The following SORCS2 variants were observed in gnomAD, a reference collection of about 807,000 sequenced individuals.
SORCS2 encodes VPS10 domain-containing receptor SorCS2.
A neutral mutation model predicts 141.6 loss-of-function variants in SORCS2; 100 were observed. That is an observed-to-expected ratio of 0.71 (90% CI 0.60 to 0.83). SORCS2 has a LOEUF of 0.83. Ranked by LOEUF, SORCS2 falls within the 40% of genes least tolerant of loss-of-function variation. The pLI is 0.00. For missense variants in SORCS2, 1,646 were observed against 1,560.2 expected (o/e 1.05, Z -0.93); for synonymous variants, 789 against 676.9 (o/e 1.17, Z -2.57).
At chr4:7,391,243 G>T (rs889612899) in intron 1 of SORCS2, among the ~76,000 whole-genome samples, 1 of 152,220 alleles carries the variant, frequency 6.6e-6, no homozygotes, top group African/African-American at 2.4e-5. Context: ...AGACGCTGAC[G>T]ACTTTGCTGC....
chr4:7,623,315 T>C (rs918634860), intron 3 of SORCS2, among the ~76,000 whole-genome samples: 25 of 151,986 alleles, frequency 1.6e-4, no homozygotes, highest in Non-Finnish European at 3.2e-4. Flanking sequence ...CAGTAATCAG[T>C]CACACTCAGA....
At chr4:7,496,590 G>C (rs1731644787) in intron 2 of SORCS2, among the ~76,000 whole-genome samples, 1 of 151,698 alleles carries the variant, frequency 6.6e-6, no homozygotes, top group Non-Finnish European at 1.5e-5. Flanking sequence ...GTTTTCAAGG[G>C]ATTAGTTTTC....
At chr4:7,578,021 G>T (rs969934564) in intron 3 of SORCS2, among the ~76,000 whole-genome samples, 1 of 152,158 alleles carries the variant, frequency 6.6e-6, no homozygotes, top group Non-Finnish European at 1.5e-5. Context: ...GTTGAAATTT[G>T]GTGACCAAAG....
At chr4:7,294,543 C>A (rs560335299) in intron 1 of SORCS2, among the ~76,000 whole-genome samples, 22 of 151,270 alleles carry the variant, frequency 1.5e-4, no homozygotes, top group Admixed American at 7.2e-4. Flanking sequence ...CTCCATGCCC[C>A]AGGGGTGCAG....
intron 3 of SORCS2, among the ~76,000 whole-genome samples, chr4:7,570,581 G>C (rs1396848025): frequency 1.3e-5 from 2 of 152,252 alleles, no homozygotes; most frequent in African/African-American, 4.8e-5. Flanking sequence ...CCGCCACCCT[G>C]CATAGAGGGC....
chr4:7,571,448 G>T (rs1360235455), intron 3 of SORCS2, among the ~76,000 whole-genome samples: 1 of 152,194 alleles, frequency 6.6e-6, no homozygotes, highest in Non-Finnish European at 1.5e-5. Context: ...CCCAGTGTTT[G>T]ATGAGAATAG....
In SORCS2 at chr4:7,244,332, C is replaced by T. The variant is rs137956172; in HGVS notation, c.480+51206C>T. Among the ~76,000 whole-genome samples, 795 of 152,342 alleles carry T rather than the reference C, an allele frequency of 5.2e-3. 5 individuals carry two copies. The highest frequency in any genetic ancestry group is 6.2e-3 in the Non-Finnish European group (419 of 68,036). ...TGGTTATTTATCCCCAAAGTCATTC[C>T]GAAGATTCATGGGTAAGGGCTTTCA... On this transcript the variant is annotated intron_variant, in intron 1 of 26. Transcript: ENST00000507866.
chr4:7,480,918 A>G (rs1730590337), intron 2 of SORCS2, among the ~76,000 whole-genome samples: 1 of 152,232 alleles, frequency 6.6e-6, no homozygotes, highest in Admixed American at 6.5e-5. Context: ...TTCTGGAGAA[A>G]CAGGTGATAT....
chr4:7,648,171 C>T lies in SORCS2; in HGVS notation c.814-5963C>T, dbSNP rs960583551. On this transcript the variant is annotated intron_variant, in intron 4 of 26. Transcript: ENST00000507866. This position sits in a 1 kb window ranked among gnomAD's most constrained non-coding sequence, Gnocchi z 4.2. ...TGGTGGATGGTGGGAAGGAGGGAGG[C>T]CATTTACTGAGACCGCAGAGGAGGA... Among the ~76,000 whole-genome samples the T allele has an allele frequency of 6.9e-6, 1 of 144,148 alleles. No homozygotes were observed. Among genetic ancestry groups the T allele is most frequent in the African/African-American group, 2.6e-5 (1 of 39,034 alleles). The allele number at this position is 144,148 out of a possible 152,430, so 94.6% of individuals were successfully genotyped here.
intron 1 of SORCS2, among the ~76,000 whole-genome samples, chr4:7,347,155 C>T (rs1363792557): frequency 6.6e-6 from 1 of 152,140 alleles, no homozygotes; most frequent in East Asian, 1.9e-4. Flanking sequence ...AATGCCTTTG[C>T]CCAAGGGAAG....
intron 1 of SORCS2, among the ~76,000 whole-genome samples, chr4:7,206,277 G>A (rs1727735754): frequency 6.6e-6 from 1 of 152,116 alleles, no homozygotes; most frequent in Admixed American, 6.5e-5. Flanking sequence ...GCTTTGGTCT[G>A]TTTCATTCCC....
intron 23 of SORCS2, among the ~76,000 whole-genome samples, chr4:7,731,927 C>T (rs1021308885): frequency 6.6e-6 from 1 of 152,180 alleles, no homozygotes; most frequent in African/African-American, 2.4e-5. Context: ...AAAGTACATG[C>T]AACAAACGCA....
intron 2 of SORCS2, among the ~76,000 whole-genome samples, chr4:7,525,019 G>A (rs1363596561): frequency 3.9e-5 from 6 of 152,234 alleles, no homozygotes; most frequent in Non-Finnish European, 7.3e-5. Flanking sequence ...TCCTTTTCTC[G>A]GACACAGCGC....
chr4:7,537,208 T>C (rs1367429702), intron 3 of SORCS2, among the ~76,000 whole-genome samples: 1 of 152,212 alleles, frequency 6.6e-6, no homozygotes, highest in Non-Finnish European at 1.5e-5. Flanking sequence ...CCATTTCCTC[T>C]CTGGGCCTCA....
intron 1 of SORCS2, among the ~76,000 whole-genome samples, chr4:7,306,771 G>A (rs928551706): frequency 1.8e-4 from 28 of 152,178 alleles, no homozygotes; most frequent in Admixed American, 6.5e-5. Flanking sequence ...TCGCCTGGAG[G>A]CTGGAGTGTG....
chr4:7,608,914 C>T (rs115605556), intron 3 of SORCS2, among the ~76,000 whole-genome samples: 519 of 152,250 alleles, frequency 3.4e-3, no homozygotes, highest in Non-Finnish European at 5.7e-3. Flanking sequence ...TGTGAACACA[C>T]CAGGGCCAGC....
At chr4:7,401,960 C>T (rs1013565821) in intron 2 of SORCS2, among the ~76,000 whole-genome samples, 9 of 152,198 alleles carry the variant, frequency 5.9e-5, no homozygotes, top group African/African-American at 2.2e-4. Context: ...GACACATGCC[C>T]AGGTACTCAT....
intron 4 of SORCS2, among the ~76,000 whole-genome samples, chr4:7,649,388 C>CT (rs61188646): frequency 0.013 from 1,976 of 151,792 alleles, 47 homozygotes; most frequent in African/African-American, 0.044. Flanking sequence ...AGGGTGTGGG[C>CT]TTTTTTGGAG....
chr4:7,427,332 G>A (rs1726515010), intron 2 of SORCS2, among the ~76,000 whole-genome samples: 1 of 152,140 alleles, frequency 6.6e-6, no homozygotes, highest in Non-Finnish European at 1.5e-5. Context: ...TGTGATCTAA[G>A]CATAGGCCTG....
Sources: gnomAD v4.1 joint callset for allele counts (sites outside exome capture counted in the v4.1 genomes callset) on GRCh38, gnomAD v4.1.1 for gene constraint, Gnocchi (gnomAD v3.1) non-coding constraint, MANE v1.5 for transcripts, NCBI Gene and HGNC (gene_info 2026-07-23, HGNC 2026-07-21) for gene names.